The following DISP2 variants were observed in gnomAD, a reference collection of about 807,000 sequenced individuals.
DISP2 encodes the protein protein dispatched homolog 2.
A neutral mutation model predicts 95.5 loss-of-function variants in DISP2; 59 were observed. That is an observed-to-expected ratio of 0.62 (90% CI 0.50 to 0.77). The LOEUF (loss-of-function observed/expected upper bound fraction) is 0.77, where lower values mean the gene tolerates loss of function less well. DISP2 is among the 30% of genes least tolerant of loss of function. DISP2 has a pLI of 0.00. For synonymous variants in DISP2, 827 were observed against 815.0 expected (o/e 1.01, Z -0.25); for missense variants, 1,752 against 1,854.6 (o/e 0.94, Z 1.02).
rs745753852 is a variant in DISP2 at position 40,367,287 on chromosome 15, C to T, written c.1175C>T (p.Ser392Phe). The T allele has an allele frequency of 1.2e-6, 2 of 1,613,778 alleles. No individual in the cohort carries two copies. Among genetic ancestry groups the T allele is most frequent in the Admixed American group, 1.7e-5 (1 of 59,988 alleles). ...TGTCTGGGACCTGGGCAGAACAAGTCCCCACGCTGTGCCCAGGTTCCCACC... is the reference window on the plus strand; with the variant it reads ...TGTCTGGGACCTGGGCAGAACAAGTTCCCACGCTGTGCCCAGGTTCCCACC... Reference protein sequence around the residue: ...PSCLGPGQNKSPRCAQVPTKC... With the variant: ...PSCLGPGQNKFPRCAQVPTKC... The change falls in exon 8 of 8, where the codon TCC (serine) becomes TTC (phenylalanine). Residue 392 changes from serine (S) to phenylalanine (F), a missense_variant. This residue lies in a region of DISP2 where 732 missense variants were observed against 714.6 expected (regional missense o/e 1.02). Coordinates refer to ENST00000267889, the MANE Select transcript of DISP2 (RefSeq NM_033510.3).
chr15:40,368,339 A>G lies in DISP2; in HGVS notation c.2227A>G (p.Ser743Gly). 6.2e-7 allele frequency: 1 copy of G among 1,604,568 alleles called. No homozygotes were observed. Among genetic ancestry groups the G allele is most frequent in the Non-Finnish European group, 8.5e-7 (1 of 1,177,550 alleles). ...GCCCGGCGGCCAGGTCTTCCGGCCC[A>G]GCCACCCCTTCGAGCGCTTCGACGC... The part of the protein sequence containing the change: ...PPPGGQVFRP[S>G]HPFERFDAEY... Residue 743 changes from serine (S) to glycine (G), a missense_variant, in exon 8 of 8, where the codon AGC (serine) becomes GGC (glycine). Ser to Gly is a moderately conservative substitution (Grantham distance 56). This residue lies in a region of DISP2 where 732 missense variants were observed against 714.6 expected (regional missense o/e 1.02). Coordinates refer to ENST00000267889, the MANE Select transcript of DISP2 (RefSeq NM_033510.3).
chr15:40,358,455 T>A lies in DISP2; in HGVS notation c.119+15T>A. 3.1e-6 allele frequency: 4 copies of A among 1,287,304 alleles called. No homozygotes were observed. Among genetic ancestry groups the A allele is most frequent in the Non-Finnish European group, 3.9e-6 (4 of 1,015,596 alleles). 79.7% of individuals were successfully genotyped at this position (1,287,304 alleles called of 1,614,324 possible). Reference sequence around the variant, plus strand: ...TCCCCGGACAGGTAGGGCGGACAGCTCCGCAGATCCGTATCACAGACCCTC... The same window carrying A: ...TCCCCGGACAGGTAGGGCGGACAGCACCGCAGATCCGTATCACAGACCCTC... On this transcript the variant is annotated intron_variant, in intron 1 of 7. Transcript: ENST00000267889.
Position 40,358,294 on chromosome 15 carries a change from C to G in DISP2, c.-28C>G. The G allele has an allele frequency of 1.6e-6, 2 of 1,265,942 alleles. No individual in the cohort carries two copies. Among genetic ancestry groups the G allele is most frequent in the Non-Finnish European group, 2.0e-6 (2 of 1,010,878 alleles). 78.4% of individuals were successfully genotyped at this position (1,265,942 alleles called of 1,614,324 possible). A position where few individuals can be genotyped will look rare whatever the true frequency, so the allele number is the denominator to read the frequency against. On this transcript the variant is annotated 5_prime_UTR_variant, in exon 1 of 8. Coordinates refer to ENST00000267889, the MANE Select transcript of DISP2 (RefSeq NM_033510.3). ...GCCGCCGCCGCGGCTTCAGCACCAG[C>G]GCCCGGACAGCGGTGCCGCCCACGG...
In DISP2 at chr15:40,364,160, C is replaced by T. The variant is rs367694593; in HGVS notation, c.450-66C>T. The T allele has an allele frequency of 3.6e-5, 58 of 1,609,686 alleles. 1 individual carries two copies. The African/African-American group carries it at 7.3e-4, about 20-fold the overall frequency. ...CACCTACCCACTCCCACCCCACCTCCACCCCCAACACACGCCCTCTGCAAG... is the reference window on the plus strand; with the variant it reads ...CACCTACCCACTCCCACCCCACCTCTACCCCCAACACACGCCCTCTGCAAG... On this transcript the variant is annotated intron_variant, in intron 2 of 7. Transcript: ENST00000267889.
rs1889635674 is a variant in DISP2, at chr15:40,370,971, C to G, written c.*653C>G. The G allele has an allele frequency of 6.1e-5, 14 of 231,038 alleles. No homozygotes were observed. In the South Asian group the frequency reaches 7.3e-4, roughly 12 times the overall value. 14.3% of individuals were successfully genotyped at this position (231,038 alleles called of 1,614,324 possible). On this transcript the variant is annotated 3_prime_UTR_variant, in exon 8 of 8. Coordinates refer to ENST00000267889, the MANE Select transcript of DISP2 (RefSeq NM_033510.3). ...GAGGATGGTCAGCCTTGGAGCATCT[C>G]TCAATTACGGGACAGTCCCTCTTTG... is the stretch of plus-strand genomic sequence containing the variant.
intron 1 of DISP2, 25 bp downstream of exon 1, chr15:40,358,465 C>CGTATCACA: frequency 7.9e-7 from 1 of 1,258,724 alleles, no homozygotes; most frequent in East Asian, 3.1e-5. Context: ...TCCGCAGATC[C>CGTATCACA]GTATCACAGA....
Position 40,365,339 on chromosome 15 carries a change from C to A in DISP2, c.847+65C>A, listed in dbSNP as rs183627328. ...TCCCCACCCCACCTAGTAGGACAGG[C>A]AGGCCCAGAACAAATCTGGGCAGAC... is the stretch of plus-strand genomic sequence containing the variant. On this transcript the variant is annotated intron_variant, in intron 6 of 7. Coordinates refer to ENST00000267889, the MANE Select transcript of DISP2 (RefSeq NM_033510.3). 428 of 1,583,276 alleles carry A rather than the reference C, an allele frequency of 2.7e-4. 1 individual carries two copies. In the African/African-American group the frequency reaches 5.1e-3, roughly 19 times the overall value.
intron 2 of DISP2, 25 bp from the exon 3 acceptor site, chr15:40,364,201 A>C (rs780220556): frequency 1.2e-6 from 2 of 1,613,906 alleles, no homozygotes; most frequent in South Asian, 2.2e-5. Context: ...TCTGGCAAGC[A>C]AGCATCTTTT....
rs1889518134 is a variant in DISP2 at position 40,367,454 on chromosome 15, C to T, written c.1342C>T (p.Leu448Phe). The change falls in exon 8 of 8, where the codon CTC becomes TTC. Residue 448 changes from leucine (L) to phenylalanine (F), a missense_variant. Physicochemically the swap from Leu to Phe is conservative, Grantham distance 22. Around this residue, in one of 5 missense-constraint regions of DISP2, gnomAD observed 732 missense variants for 714.6 expected, o/e 1.02. Coordinates refer to ENST00000267889, the MANE Select transcript of DISP2 (RefSeq NM_033510.3). The stretch of plus-strand genomic sequence containing the variant: ...CCTGCCCACCCCAAAGGGTGCTTCC[C>T]TCATGGACATCTACCTGGACCGGCT... ...LFLPTPKGAS[L>F]MDIYLDRLAT... 1 of 1,613,654 alleles carries T rather than the reference C, an allele frequency of 6.2e-7. No individual in the cohort carries two copies. Among genetic ancestry groups the T allele is most frequent in the African/African-American group, 1.3e-5 (1 of 74,780 alleles).
rs1433745085 is a variant in DISP2 at position 40,364,788 on chromosome 15, G to A, written c.604-50G>A. 5 of 1,569,560 alleles carry A rather than the reference G, an allele frequency of 3.2e-6. No individual in the cohort carries two copies. The South Asian group carries it at 4.6e-5, about 14-fold the overall frequency. On this transcript the variant is annotated intron_variant, in intron 4 of 7. Coordinates refer to ENST00000267889, the MANE Select transcript of DISP2 (RefSeq NM_033510.3). Reference sequence around the variant, plus strand: ...GGGCAGAGCTGAGAAGCACCCAAATGGAGAACTCCTACCCTGCCCACCTGT... The same window carrying A: ...GGGCAGAGCTGAGAAGCACCCAAATAGAGAACTCCTACCCTGCCCACCTGT...
Position 40,371,714 on chromosome 15 carries a change from T to G in DISP2, c.*1396T>G, listed in dbSNP as rs1025238120. 2 of 152,204 alleles carry G rather than the reference T, an allele frequency of 1.3e-5. No individual in the cohort carries two copies. The highest frequency in any genetic ancestry group is 4.8e-5 in the African/African-American group (2 of 41,446). 9.4% of individuals were successfully genotyped at this position (152,204 alleles called of 1,614,324 possible). A position where few individuals can be genotyped will look rare whatever the true frequency, so the allele number is the denominator to read the frequency against. ...CAAACTTCCTGGTAGGGAAGTTTTATCCCATGTGAGAGCTCATGACACCAG... is the reference window on the plus strand; with the variant it reads ...CAAACTTCCTGGTAGGGAAGTTTTAGCCCATGTGAGAGCTCATGACACCAG... On this transcript the variant is annotated 3_prime_UTR_variant, in exon 8 of 8. Coordinates refer to ENST00000267889, the MANE Select transcript of DISP2 (RefSeq NM_033510.3).
rs1889632585 is a variant in DISP2 at position 40,370,819 on chromosome 15, G to A, written c.*501G>A. On this transcript the variant is annotated 3_prime_UTR_variant, in exon 8 of 8. Coordinates refer to ENST00000267889, the MANE Select transcript of DISP2 (RefSeq NM_033510.3). ...CAGGACACTTCCCTCTCTTTTGGGA[G>A]CTTCTCTGGGCAGAATTGGGCTGGG... is the stretch of plus-strand genomic sequence containing the variant. 6 of 350,992 alleles carry A rather than the reference G, an allele frequency of 1.7e-5. No individual in the cohort carries two copies. The highest frequency in any genetic ancestry group is 1.3e-4 in the South Asian group (6 of 47,172). The allele number at this position is 350,992 out of a possible 1,614,324, so 21.7% of individuals were successfully genotyped here. A position where few individuals can be genotyped will look rare whatever the true frequency, so the allele number is the denominator to read the frequency against.
In DISP2 at chr15:40,369,264, G is replaced by A. The variant is rs1268388389; in HGVS notation, c.3152G>A (p.Arg1051His). 3.1e-6 allele frequency: 5 copies of A among 1,613,752 alleles called. No homozygotes were observed. The highest frequency in any genetic ancestry group is 1.7e-6 in the Non-Finnish European group (2 of 1,180,024). The change falls in exon 8 of 8, where the codon CGT becomes CAT. Residue 1051 changes from arginine to histidine, a missense_variant. Coordinates refer to ENST00000267889, the MANE Select transcript of DISP2 (RefSeq NM_033510.3). Reference sequence around the variant, plus strand: ...TGCCCACACCCTGACCGCCTGAGCCGTGTGGCCTTCTCTCTGCGCCAGACC... The same window carrying A: ...TGCCCACACCCTGACCGCCTGAGCCATGTGGCCTTCTCTCTGCGCCAGACC... ...HLCPHPDRLS[R>H]VAFSLRQTSC...
intron 7 of DISP2, 139 bp downstream of exon 7, chr15:40,365,864 A>G (rs1176905049): frequency 1.2e-5 from 10 of 840,176 alleles, no homozygotes; most frequent in South Asian, 6.3e-5. Flanking sequence ...AATTATTCCA[A>G]CCCTGCTGAG....
Position 40,364,489 on chromosome 15 carries a change from G to T in DISP2, c.548G>T (p.Cys183Phe). ...CTGTGTCTGGCTGTCATCTTCCTCTGCACCCTGGCTGGACTGTTGGGGGCC... is the reference window on the plus strand; with the variant it reads ...CTGTGTCTGGCTGTCATCTTCCTCTTCACCCTGGCTGGACTGTTGGGGGCC... ...LMLCLAVIFL[C>F]TLAGLLGARL... Residue 183 changes from cysteine to phenylalanine, a missense_variant, in exon 4 of 8, where the codon TGC (cysteine) becomes TTC (phenylalanine). Cys to Phe is a radical substitution (Grantham distance 205). Transcript: ENST00000267889. 1 of 1,614,004 alleles carries T rather than the reference G, an allele frequency of 6.2e-7. No individual in the cohort carries two copies.
In DISP2 at chr15:40,363,626, A is replaced by G. The variant is rs201340864; in HGVS notation, c.121A>G (p.Thr41Ala). The change falls in exon 2 of 8, where the codon ACC (threonine) becomes GCC (alanine). Residue 41 changes from threonine (T) to alanine (A), a missense_variant and splice_region_variant. Coordinates refer to ENST00000267889, the MANE Select transcript of DISP2 (RefSeq NM_033510.3). ...CTTCCTTGTCTCCTCTCTTCCTAGC[A>G]CCCAGACCAAGGCTGTGCCCCCTGA... is the stretch of plus-strand genomic sequence containing the variant. ...LAPDGGSPDSTQTKAVPPEAS... is the reference protein window; with the variant it reads ...LAPDGGSPDSAQTKAVPPEAS... 3.9e-4 allele frequency: 592 copies of G among 1,528,886 alleles called. 2 individuals carry two copies. The East Asian group carries it at 0.013, about 32-fold the overall frequency. The allele number at this position is 1,528,886 out of a possible 1,614,324, so 94.7% of individuals were successfully genotyped here.
rs1889352972 is a variant in DISP2 at position 40,358,433 on chromosome 15, C to CCAAACAGGTAGGG, written c.113_114insAAACAGGTAGGGC (p.Asp39AsnfsTer3). On this transcript the variant is annotated stop_gained and frameshift_variant, in exon 1 of 8. Transcript: ENST00000267889. LOFTEE classifies it high-confidence loss of function. ...GCCCTTGGCCCCAGACGGCGGCTCC[C>CCAAACAGGTAGGG]CGGACAGGTAGGGCGGACAGCTCCG... 1 of 1,318,784 alleles carries CCAAACAGGTAGGG rather than the reference C, an allele frequency of 7.6e-7. No homozygotes were observed. Among genetic ancestry groups the CCAAACAGGTAGGG allele is most frequent in the African/African-American group, 1.5e-5 (1 of 65,138 alleles). The allele number at this position is 1,318,784 out of a possible 1,614,324, so 81.7% of individuals were successfully genotyped here. A position where few individuals can be genotyped will look rare whatever the true frequency, so the allele number is the denominator to read the frequency against.
In DISP2 at chr15:40,374,014, A is replaced by AAAAAAAAAAAAAAAAAAAATATAT; in HGVS notation, c.*3697_*3698insAAAAAAAAAAAAAAAAAATATATA. 6 of 104,190 alleles carry AAAAAAAAAAAAAAAAAAAATATAT rather than the reference A, an allele frequency of 5.8e-5. No homozygotes were observed. Among genetic ancestry groups the AAAAAAAAAAAAAAAAAAAATATAT allele is most frequent in the Admixed American group, 9.1e-5 (1 of 10,986 alleles). 6.5% of individuals were successfully genotyped at this position (104,190 alleles called of 1,614,324 possible). A position where few individuals can be genotyped will look rare whatever the true frequency, so the allele number is the denominator to read the frequency against. On this transcript the variant is annotated 3_prime_UTR_variant, in exon 8 of 8. Coordinates refer to ENST00000267889, the MANE Select transcript of DISP2 (RefSeq NM_033510.3). ...GCGAGACTCCATCTTAAAAAAAAAA[A>AAAAAAAAAAAAAAAAAAAATATAT]ATATATATATATATATATGTAAACT... is the stretch of plus-strand genomic sequence containing the variant.
At chr15:40,366,979 A>C in intron 7 of DISP2, 79 bp from the exon 8 acceptor site, 2 of 1,535,724 alleles carry the variant, frequency 1.3e-6, no homozygotes, top group Non-Finnish European at 1.8e-6. Flanking sequence ...AAAGGAGATG[A>C]GAGAGCCTTG....
Sources: allele counts gnomAD v4.1 joint callset, GRCh38; gene constraint gnomAD v4.1.1; regional missense constraint gnomAD v4.1.1; transcripts MANE v1.5; gene names NCBI Gene and HGNC (gene_info 2026-07-23, HGNC 2026-07-21).